The following ITGA9 variants were observed in gnomAD, a reference collection of about 807,000 sequenced individuals.
ITGA9 encodes the protein integrin subunit alpha 9.
In ITGA9, 56 loss-of-function variants were observed where a neutral mutation model predicts 127.8. The ratio of observed to expected loss-of-function variants is 0.44; its 90% confidence interval spans 0.35 to 0.55. The LOEUF is 0.55. ITGA9 is among the 20% of genes least tolerant of loss of function. The probability of loss-of-function intolerance (pLI) is 0.00; values close to 1 mark genes in which losing one functional copy is unlikely to be tolerated. For missense variants in ITGA9, 1,196 were observed against 1,347.1 expected (o/e 0.89, Z 1.76); for synonymous variants, 508 against 514.5 (o/e 0.99, Z 0.17).
intron 18 of ITGA9, among the ~76,000 whole-genome samples, chr3:37,723,423 C>T (rs370190350): frequency 1.3e-5 from 2 of 151,958 alleles, no homozygotes; most frequent in East Asian, 1.9e-4. Flanking sequence ...TGCAGTAGTG[C>T]GATCTCGGCT....
chr3:37,615,693 G>T (rs1315124801), intron 15 of ITGA9, among the ~76,000 whole-genome samples: 2 of 152,166 alleles, frequency 1.3e-5, no homozygotes, highest in East Asian at 3.8e-4. Context: ...GTTTAGTCTT[G>T]GGAGGGTGTA....
At position 37,502,974 on chromosome 3, in the gene ITGA9, A is replaced by G. The variant is rs560833507; in HGVS notation, c.613-204A>G. Reference sequence around the variant, plus strand: ...CTGTCACCTTGCTCAGTCTCTTCACATCTTTAGTCCTGATAATCCCGTCTG... The same window carrying G: ...CTGTCACCTTGCTCAGTCTCTTCACGTCTTTAGTCCTGATAATCCCGTCTG... On this transcript the variant is annotated intron_variant, in intron 5 of 27. Coordinates refer to ENST00000264741, the MANE Select transcript of ITGA9 (RefSeq NM_002207.3). 4.6e-5 allele frequency among the ~76,000 whole-genome samples: 7 copies of G among 152,284 alleles called. 1 individual carries two copies. The South Asian group carries it at 1.5e-3, about 32-fold the overall frequency.
intron 15 of ITGA9, among the ~76,000 whole-genome samples, chr3:37,560,990 T>C (rs1699481798): frequency 6.6e-6 from 1 of 152,172 alleles, no homozygotes. Flanking sequence ...CTGGGGTTTC[T>C]GTGTGTCCAC....
chr3:37,800,377 G>A (rs1260151442), intron 26 of ITGA9, among the ~76,000 whole-genome samples: 1 of 152,142 alleles, frequency 6.6e-6, no homozygotes, highest in African/African-American at 2.4e-5. Flanking sequence ...CTATCAGACC[G>A]CCATTTCACA....
chr3:37,630,754 C>A (rs1451178385), intron 16 of ITGA9, among the ~76,000 whole-genome samples: 1 of 152,220 alleles, frequency 6.6e-6, no homozygotes, highest in Non-Finnish European at 1.5e-5. Context: ...AAAACACGAA[C>A]CTTCTTTCAC....
chr3:37,576,938 G>A (rs1302146414), intron 15 of ITGA9, among the ~76,000 whole-genome samples: 2 of 152,216 alleles, frequency 1.3e-5, no homozygotes, highest in East Asian at 3.9e-4. Context: ...AAAATAGAGT[G>A]AAACAGAAAT....
chr3:37,722,962 C>T (rs1352769234), intron 18 of ITGA9, among the ~76,000 whole-genome samples: 1 of 152,212 alleles, frequency 6.6e-6, no homozygotes, highest in Non-Finnish European at 1.5e-5. Flanking sequence ...AGTTTGTCCA[C>T]ATCTAGTCCA....
chr3:37,635,900 C>A (rs1434354549), intron 16 of ITGA9, among the ~76,000 whole-genome samples: 13 of 151,012 alleles, frequency 8.6e-5, no homozygotes, highest in African/African-American at 2.4e-4. Flanking sequence ...TTTGTCCTTG[C>A]GATAGTTTGC....
intron 18 of ITGA9, among the ~76,000 whole-genome samples, chr3:37,712,055 C>CT (rs1701085224): frequency 6.6e-6 from 1 of 151,620 alleles, no homozygotes; most frequent in Non-Finnish European, 1.5e-5. Flanking sequence ...GTTGTATTTA[C>CT]TTTTCTGGAT....
At chr3:37,687,438 G>A (rs1700792565) in intron 18 of ITGA9, among the ~76,000 whole-genome samples, 1 of 152,186 alleles carries the variant, frequency 6.6e-6, no homozygotes, top group Non-Finnish European at 1.5e-5. Flanking sequence ...ACAGCAAAGA[G>A]AAAATGGTTC....
chr3:37,531,048 G>C (rs1450389395), intron 13 of ITGA9, among the ~76,000 whole-genome samples: 1 of 152,018 alleles, frequency 6.6e-6, no homozygotes, highest in Non-Finnish European at 1.5e-5. Context: ...ACCGCGCCCG[G>C]CCGCTACCAG....
At chr3:37,788,960 AT>A (rs1055891141) in intron 26 of ITGA9, among the ~76,000 whole-genome samples, 2 of 152,110 alleles carry the variant, frequency 1.3e-5, no homozygotes, top group African/African-American at 4.8e-5. Flanking sequence ...GTAAACACTA[AT>A]TTTTTTATAA....
rs1698805872 is a variant in ITGA9, at chr3:37,503,215, G to C, written c.650G>C (p.Trp217Ser). ...ATGGGTGCTCCAGGGTCATTTTATT[G>C]GGCTGGAACCATCAAAGTGCTGAAC... ...VVMGAPGSFY[W>S]AGTIKVLNLT... Residue 217 changes from tryptophan to serine, a missense_variant, in exon 6 of 28, where the codon TGG becomes TCG. Trp to Ser is a radical substitution (Grantham distance 177). Coordinates refer to ENST00000264741, the MANE Select transcript of ITGA9 (RefSeq NM_002207.3). 1.2e-6 allele frequency: 2 copies of C among 1,613,816 alleles called. No individual in the cohort carries two copies. Among genetic ancestry groups the C allele is most frequent in the African/African-American group, 2.7e-5 (2 of 74,862 alleles).
intron 10 of ITGA9, among the ~76,000 whole-genome samples, chr3:37,518,116 G>GTGTGTGTGTGTGTGTGTGTT (rs1231964437): frequency 3.9e-5 from 6 of 152,046 alleles, no homozygotes; most frequent in African/African-American, 1.4e-4. Context: ...GTGTGTGTGT[G>GTGTGTGTGTGTGTGTGTGTT]TGTGTCTTGG....
chr3:37,743,981 A>G lies in ITGA9; in HGVS notation c.2380A>G (p.Ile794Val). The change falls in exon 22 of 28, where the codon ATT (isoleucine) becomes GTT (valine). Residue 794 changes from isoleucine (I) to valine (V), a missense_variant. By Grantham distance (29) the Ile-to-Val change is conservative. Coordinates refer to ENST00000264741, the MANE Select transcript of ITGA9 (RefSeq NM_002207.3). Reference protein sequence around the residue: ...YGESVDAANFIQLDDLECHFQ... With the variant: ...YGESVDAANFVQLDDLECHFQ... ...CGAGTCCGTGGACGCAGCCAACTTC[A>G]TTCAGCTGGATGACCTGGAGTGTCA... 6.2e-7 allele frequency: 1 copy of G among 1,614,144 alleles called. No homozygotes were observed. The highest frequency in any genetic ancestry group is 8.5e-7 in the Non-Finnish European group (1 of 1,180,004).
chr3:37,609,179 C>A (rs1699995884), intron 15 of ITGA9, among the ~76,000 whole-genome samples: 1 of 152,156 alleles, frequency 6.6e-6, no homozygotes, highest in Admixed American at 6.6e-5. Flanking sequence ...TCATTCTCCT[C>A]ACATACCCCA....
intron 23 of ITGA9, among the ~76,000 whole-genome samples, chr3:37,770,253 G>C (rs1251866242): frequency 2.0e-5 from 3 of 152,132 alleles, no homozygotes; most frequent in African/African-American, 7.2e-5. Context: ...CATACTAATA[G>C]CACCTAATAT....
intron 16 of ITGA9, among the ~76,000 whole-genome samples, chr3:37,648,994 T>G (rs1575179930): frequency 6.7e-6 from 1 of 149,306 alleles, no homozygotes; most frequent in Non-Finnish European, 1.5e-5. Flanking sequence ...GCAAGTAAAG[T>G]TACATTGTGA....
intron 16 of ITGA9, among the ~76,000 whole-genome samples, chr3:37,643,029 G>A (rs1700347169): frequency 6.6e-6 from 1 of 152,230 alleles, no homozygotes; most frequent in Non-Finnish European, 1.5e-5. Flanking sequence ...AGGCTAAGAG[G>A]GTGGGAGAGT....
Sources: gnomAD v4.1 joint callset for allele counts (sites outside exome capture counted in the v4.1 genomes callset) on GRCh38, gnomAD v4.1.1 for gene constraint, MANE v1.5 for transcripts, NCBI Gene and HGNC (gene_info 2026-07-23, HGNC 2026-07-21) for gene names.